Variants in NINJ2 observed in about 807,000 individuals in gnomAD.
NINJ2 encodes ninjurin 2, also known as ninjurin-2.
NINJ2 carries 12 observed loss-of-function variants against 11.7 expected under a neutral mutation model. The ratio of observed to expected loss-of-function variants is 1.02; its 90% CI spans 0.66 to 1.66. The LOEUF (loss-of-function observed/expected upper bound fraction) is 1.66. Ranked by LOEUF, NINJ2 falls within the 40% of genes most tolerant of loss-of-function variation. The probability of loss-of-function intolerance (pLI) is 0.00; values close to 1 mark genes in which losing one functional copy is unlikely to be tolerated. For synonymous variants in NINJ2, 93 were observed against 76.8 expected (o/e 1.21, Z -1.10); for missense variants, 187 against 181.8 (o/e 1.03, Z -0.16).
rs1194028030 is a variant in NINJ2, at chr12:581,122, C to T, written c.34-14944G>A. Among the ~76,000 whole-genome samples, 29 of 131,300 alleles carry T rather than the reference C, an allele frequency of 2.2e-4. No homozygotes were observed. Among genetic ancestry groups the T allele is most frequent in the African/African-American group, 3.2e-4 (11 of 34,478 alleles). The allele number at this position is 131,300 out of a possible 152,430, so 86.1% of individuals were successfully genotyped here. A position where few individuals can be genotyped will look rare whatever the true frequency, so the allele number is the denominator to read the frequency against. ...CTCTGTGTGTCTGTGTCTGTGTGTG[C>T]GTGTCTCTGTGCCTCTGTGTGTGTG... On this transcript the variant is annotated intron_variant, in intron 1 of 3. Transcript: ENST00000305108. This position sits in a 1 kb window ranked among gnomAD's most constrained non-coding sequence, Gnocchi z 4.9.
At chr12:635,800 C>T (rs1232845405) in intron 1 of NINJ2, among the ~76,000 whole-genome samples, 3 of 152,268 alleles carry the variant, frequency 2.0e-5, no homozygotes, top group African/African-American at 7.2e-5. Context: ...AGGGGCCGGG[C>T]GCGGCGGTTC....
chr12:657,972 C>G, intron 1 of NINJ2, among the ~76,000 whole-genome samples: 1 of 122,950 alleles, frequency 8.1e-6, no homozygotes, highest in Non-Finnish European at 1.7e-5. Context: ...TGTGTTTACA[C>G]AAAAACCTAC....
intron 1 of NINJ2, among the ~76,000 whole-genome samples, chr12:598,126 C>T (rs2120894507): frequency 6.6e-6 from 1 of 152,334 alleles, no homozygotes; most frequent in Admixed American, 6.5e-5. Flanking sequence ...GAACTGCTCA[C>T]TCACACAATC....
intron 1 of NINJ2, among the ~76,000 whole-genome samples, chr12:576,629 G>A: frequency 6.6e-6 from 1 of 152,190 alleles, no homozygotes; most frequent in African/African-American, 2.4e-5. Flanking sequence ...AAAGTGCCGG[G>A]GCTGCAGGCG....
intron 1 of NINJ2, among the ~76,000 whole-genome samples, chr12:589,058 C>T (rs1269828032): frequency 6.6e-6 from 1 of 152,156 alleles, no homozygotes; most frequent in African/African-American, 2.4e-5. Flanking sequence ...AAGTCTCCCA[C>T]AGAAAATGCT....
At chr12:619,195 T>C (rs1385787441) in intron 1 of NINJ2, among the ~76,000 whole-genome samples, 3 of 152,072 alleles carry the variant, frequency 2.0e-5, no homozygotes, top group African/African-American at 7.2e-5. Context: ...CAGGAGTTGA[T>C]GGTGTGTGCA....
At chr12:623,279 T>C (rs1948174960) in intron 1 of NINJ2, among the ~76,000 whole-genome samples, 1 of 152,194 alleles carries the variant, frequency 6.6e-6, no homozygotes, top group African/African-American at 2.4e-5. Flanking sequence ...CCTGTGGTCC[T>C]TGAAGTGGAA....
intron 1 of NINJ2, among the ~76,000 whole-genome samples, chr12:653,825 A>C (rs890600307): frequency 5.3e-5 from 8 of 152,218 alleles, no homozygotes; most frequent in African/African-American, 1.9e-4. Context: ...CATAATTGAA[A>C]GGCAGAAATT....
chr12:600,922 T>C (rs532964876), intron 1 of NINJ2, among the ~76,000 whole-genome samples: 1 of 152,196 alleles, frequency 6.6e-6, no homozygotes, highest in East Asian at 1.9e-4. Context: ...AAAATCAATC[T>C]TGAGTTTTCA....
At position 606,579 on chromosome 12, in the gene NINJ2, G is replaced by A. The variant is rs769455133; in HGVS notation, c.34-40401C>T. Among the ~76,000 whole-genome samples the A allele has an allele frequency of 1.1e-4, 17 of 152,278 alleles. No individual in the cohort carries two copies. The East Asian group carries it at 1.4e-3, about 12-fold the overall frequency. On this transcript the variant is annotated intron_variant, in intron 1 of 3. Transcript: ENST00000305108. ...TCATTGTCAGCTTTTGGAACTGGAG[G>A]TCAGAAGGAATCTAACAACTTCCAG...
At position 633,071 on chromosome 12, in the gene NINJ2, G is replaced by A. The variant is rs1395933906; in HGVS notation, c.33+30257C>T. ...GTGAAATATACCTCAGCCTGGCATTGGGCTTGGGGCAAAGATCTAGGACTT... is the reference window on the plus strand; with the variant it reads ...GTGAAATATACCTCAGCCTGGCATTAGGCTTGGGGCAAAGATCTAGGACTT... On this transcript the variant is annotated intron_variant, in intron 1 of 3. Coordinates refer to ENST00000305108, the MANE Select transcript of NINJ2 (RefSeq NM_016533.6). The surrounding 1 kb of genome is among the most constrained non-coding windows in gnomAD (Gnocchi z 4.3). Among the ~76,000 whole-genome samples the A allele has an allele frequency of 6.6e-6, 1 of 152,152 alleles. No individual in the cohort carries two copies. Among genetic ancestry groups the A allele is most frequent in the Non-Finnish European group, 1.5e-5 (1 of 68,000 alleles).
At chr12:659,841 T>C (rs1937932679) in intron 1 of NINJ2, among the ~76,000 whole-genome samples, 1 of 152,348 alleles carries the variant, frequency 6.6e-6, no homozygotes, top group East Asian at 1.9e-4. Context: ...ACACCTGTGA[T>C]CCATGTCACC....
intron 1 of NINJ2, among the ~76,000 whole-genome samples, chr12:579,657 TA>T (rs1947519561): frequency 6.6e-6 from 1 of 152,118 alleles, no homozygotes; most frequent in Admixed American, 6.6e-5. Context: ...TTGTCACATG[TA>T]AAATGTAGAT....
chr12:617,256 A>C (rs560643314), intron 1 of NINJ2, among the ~76,000 whole-genome samples: 6 of 152,154 alleles, frequency 3.9e-5, no homozygotes, highest in African/African-American at 7.2e-5. Context: ...CCCTAATCTA[A>C]GCGAAGTTGT....
chr12:627,586 T>C lies in NINJ2; in HGVS notation c.33+35742A>G, dbSNP rs117746701. Among the ~76,000 whole-genome samples, 900 of 152,314 alleles carry C rather than the reference T, an allele frequency of 5.9e-3. 2 individuals are homozygous for C. Among genetic ancestry groups the C allele is most frequent in the Non-Finnish European group, 9.2e-3 (625 of 68,010 alleles). The stretch of plus-strand genomic sequence containing the variant: ...ATTGGAGCCTCGAATGGGTTGGGTG[T>C]TCATGAGAGGCAGGGGCAGACTTCG... On this transcript the variant is annotated intron_variant, in intron 1 of 3. Coordinates refer to ENST00000305108, the MANE Select transcript of NINJ2 (RefSeq NM_016533.6).
At chr12:659,444 C>T (rs1937927210) in intron 1 of NINJ2, among the ~76,000 whole-genome samples, 2 of 152,052 alleles carry the variant, frequency 1.3e-5, no homozygotes, top group Non-Finnish European at 2.9e-5. Context: ...AACACTGGCT[C>T]GAAGGGGAAG....
chr12:597,211 T>C (rs567883760), intron 1 of NINJ2, among the ~76,000 whole-genome samples: 5 of 152,330 alleles, frequency 3.3e-5, no homozygotes, highest in Non-Finnish European at 7.4e-5. Context: ...GGTTCCACCA[T>C]CTGTGTGACC....
intron 1 of NINJ2, among the ~76,000 whole-genome samples, chr12:582,043 G>A (rs1947562874): frequency 6.6e-6 from 1 of 152,218 alleles, no homozygotes; most frequent in Non-Finnish European, 1.5e-5. Flanking sequence ...CAGAGGCCCT[G>A]TGAGGGGAAA....
At chr12:659,239 T>C (rs572963916) in intron 1 of NINJ2, among the ~76,000 whole-genome samples, 3 of 152,158 alleles carry the variant, frequency 2.0e-5, no homozygotes, top group African/African-American at 7.2e-5. Context: ...CTATACTGAA[T>C]TTGCATTCGG....
Sources: gnomAD v4.1 joint callset for allele counts (sites outside exome capture counted in the v4.1 genomes callset) on GRCh38, gnomAD v4.1.1 for gene constraint, Gnocchi (gnomAD v3.1) non-coding constraint, MANE v1.5 for transcripts, NCBI Gene and HGNC (gene_info 2026-07-23, HGNC 2026-07-21) for gene names.